Variants in ABCB7 observed in about 807,000 individuals in gnomAD.
ABCB7 encodes ATP binding cassette subfamily B member 7.
Under a neutral mutation model 54.4 loss-of-function variants are expected in ABCB7, and 7 were observed. The ratio of observed to expected loss-of-function variants is 0.13; its 90% CI spans 0.07 to 0.24. The LOEUF (loss-of-function observed/expected upper bound fraction) is 0.24. Ranked by LOEUF, ABCB7 falls within the 10% of genes least tolerant of loss-of-function variation. The pLI, the probability that ABCB7 is intolerant of heterozygous loss-of-function variation, is 1.00. For synonymous variants in ABCB7, 218 were observed against 207.1 expected, an observed-to-expected ratio of 1.05 and a Z score of -0.45; for missense variants, 356 against 570.4, an observed-to-expected ratio of 0.62 and a Z score of 3.83.
At chrX:75,058,569 A>C (rs549894003) in intron 15 of ABCB7, among the ~76,000 whole-genome samples, 5 of 112,108 alleles carry the variant, frequency 4.5e-5, no homozygotes, top group African/African-American at 1.6e-4. Flanking sequence ...CTAGAAAATG[A>C]AAATCTGTTA....
At chrX:75,154,514 C>A (rs1422717435) in intron 1 of ABCB7, among the ~76,000 whole-genome samples, 1 of 112,013 alleles carries the variant, frequency 8.9e-6, no homozygotes, top group East Asian at 2.8e-4. Flanking sequence ...TTAATGAAAT[C>A]ATCTAGATTC....
intron 1 of ABCB7, among the ~76,000 whole-genome samples, chrX:75,116,232 G>A (rs1158013386): frequency 9.0e-6 from 1 of 111,273 alleles, no homozygotes. Context: ...TCAAACTCAA[G>A]CATTTCTTTA....
At chrX:75,091,179 G>T (rs1411971716) in intron 4 of ABCB7, among the ~76,000 whole-genome samples, 1 of 110,530 alleles carries the variant, frequency 9.0e-6, no homozygotes, top group Non-Finnish European at 1.9e-5. Context: ...CCTCTTTCCT[G>T]AATATAGATA....
rs376651818 is a variant in ABCB7 at position 75,098,901 on chromosome X, A to G, written c.453+41T>C. ...AGGATTCATAACTAGAAAATGTAGT[A>G]TTTCTTAGTTAGAGCAACCAAACAA... On this transcript the variant is annotated intron_variant, in intron 4 of 15. Coordinates refer to ENST00000373394, the MANE Select transcript of ABCB7 (RefSeq NM_001271696.3). The G allele has an allele frequency of 5.1e-5, 62 of 1,207,392 alleles. No individual in the cohort carries two copies. In the African/African-American group the frequency reaches 8.7e-4, roughly 17 times the overall value.
intron 15 of ABCB7, among the ~76,000 whole-genome samples, chrX:75,058,633 CTTG>C (rs1342758422): frequency 9.0e-6 from 1 of 111,576 alleles, no homozygotes; most frequent in Non-Finnish European, 1.9e-5. Flanking sequence ...TAAAGAGATT[CTTG>C]TTTAGATACA....
At chrX:75,122,861 G>GGGGT (rs1555954494) in intron 1 of ABCB7, among the ~76,000 whole-genome samples, 1 of 93,131 alleles carries the variant, frequency 1.1e-5, no homozygotes, top group South Asian at 6.2e-4. Flanking sequence ...TTAAAATTGG[G>GGGGT]GTGTGTGTGT....
chrX:75,094,727 C>A (rs903220091), intron 4 of ABCB7, among the ~76,000 whole-genome samples: 13 of 110,317 alleles, frequency 1.2e-4, no homozygotes, highest in Non-Finnish European at 2.5e-4. Flanking sequence ...AAAACAAAAA[C>A]CCCATAGAAG....
At chrX:75,142,208 A>G (rs746425792) in intron 1 of ABCB7, among the ~76,000 whole-genome samples, 1 of 111,586 alleles carries the variant, frequency 9.0e-6, no homozygotes, top group Admixed American at 9.5e-5. Context: ...CTTATATAAA[A>G]TGGTGTAGTA....
chrX:75,053,366 T>C lies in ABCB7; in HGVS notation c.*4A>G. On this transcript the variant is annotated 3_prime_UTR_variant, in exon 16 of 16. Coordinates refer to ENST00000373394, the MANE Select transcript of ABCB7 (RefSeq NM_001271696.3). ...CAACAAAAAAAGAAAATGTCTTATGTGACTTAGCACGAACAGTTTCCACAG... is the reference window on the plus strand; with the variant it reads ...CAACAAAAAAAGAAAATGTCTTATGCGACTTAGCACGAACAGTTTCCACAG... 2 of 1,211,549 alleles carry C rather than the reference T, an allele frequency of 1.7e-6. No individual in the cohort carries two copies. Among genetic ancestry groups the C allele is most frequent in the African/African-American group, 1.7e-5 (1 of 57,928 alleles).
intron 4 of ABCB7, among the ~76,000 whole-genome samples, chrX:75,095,283 G>C (rs2081581109): frequency 1.8e-5 from 2 of 111,575 alleles, no homozygotes; most frequent in Non-Finnish European, 3.8e-5. Context: ...AAAATCCCCA[G>C]AATATGTGGA....
chrX:75,154,462 T>C (rs754445436), intron 1 of ABCB7, among the ~76,000 whole-genome samples: 5 of 112,191 alleles, frequency 4.5e-5, no homozygotes, highest in South Asian at 7.5e-4. Flanking sequence ...TCCCAAGAGA[T>C]CATGTGTTAG....
intron 4 of ABCB7, among the ~76,000 whole-genome samples, chrX:75,089,426 T>C (rs546533034): frequency 2.7e-5 from 3 of 111,120 alleles, no homozygotes; most frequent in South Asian, 3.7e-4. Flanking sequence ...GGGGAATGAA[T>C]TGGGAGTACT....
intron 1 of ABCB7, among the ~76,000 whole-genome samples, chrX:75,121,359 A>G (rs2081877221): frequency 9.0e-6 from 1 of 111,285 alleles, no homozygotes; most frequent in African/African-American, 3.3e-5. Context: ...TAATCAGGCC[A>G]AGCATAATAA....
At chrX:75,109,659 T>C (rs755280029) in intron 3 of ABCB7, among the ~76,000 whole-genome samples, 1 of 111,482 alleles carries the variant, frequency 9.0e-6, no homozygotes, top group Admixed American at 9.6e-5. Flanking sequence ...GGGACAAAAC[T>C]TGTAGTGAGG....
At chrX:75,099,201 A>T in intron 3 of ABCB7, 140 bp from the exon 4 acceptor site, 1 of 684,537 alleles carries the variant, frequency 1.5e-6, no homozygotes, top group Non-Finnish European at 2.1e-6. Flanking sequence ...TAAGGCTAAT[A>T]TCTTTCAAAA....
chrX:75,096,434 A>G (rs1243031974), intron 4 of ABCB7, among the ~76,000 whole-genome samples: 1 of 111,617 alleles, frequency 9.0e-6, no homozygotes, highest in Non-Finnish European at 1.9e-5. Context: ...TTTTCTCTTA[A>G]CTGTACAGTC....
intron 4 of ABCB7, among the ~76,000 whole-genome samples, chrX:75,093,239 G>A (rs1215641471): frequency 9.0e-6 from 1 of 111,645 alleles, no homozygotes; most frequent in African/African-American, 3.3e-5. Flanking sequence ...GTGATACAAA[G>A]AAAAGAGCTA....
At chrX:75,155,566 T>A (rs2082167661) in intron 1 of ABCB7, among the ~76,000 whole-genome samples, 1 of 111,473 alleles carries the variant, frequency 9.0e-6, no homozygotes, top group South Asian at 3.8e-4. Flanking sequence ...TATACAAGAA[T>A]TTAGGGCGGT....
In ABCB7 at chrX:75,062,372, G is replaced by T. The variant is rs2081287761; in HGVS notation, c.1891C>A (p.Leu631Ile). The change falls in exon 14 of 16, where the codon CTC becomes ATC. Residue 631 changes from leucine (L) to isoleucine (I), a missense_variant. Coordinates refer to ENST00000373394, the MANE Select transcript of ABCB7 (RefSeq NM_001271696.3). ...RAILKDPPVI[L>I]YDEATSSLDS... ...AACGATGAAGTAGCTTCATCATAGAGTATGACTGGGGGGTCCTTCAAAATG... is the reference window on the plus strand; with the variant it reads ...AACGATGAAGTAGCTTCATCATAGATTATGACTGGGGGGTCCTTCAAAATG... 1 of 1,208,983 alleles carries T rather than the reference G, an allele frequency of 8.3e-7. No individual in the cohort carries two copies. Among genetic ancestry groups the T allele is most frequent in the African/African-American group, 1.7e-5 (1 of 57,179 alleles).
Sources: gnomAD v4.1 joint callset for allele counts (sites outside exome capture counted in the v4.1 genomes callset) on GRCh38, gnomAD v4.1.1 for gene constraint, MANE v1.5 for transcripts, NCBI Gene and HGNC (gene_info 2026-07-23, HGNC 2026-07-21) for gene names.